C5: variants seen among roughly 807,000 people sequenced by gnomAD.
C5 encodes the protein complement C5, also known as C3 and PZP-like alpha-2-macroglobulin domain-containing protein 4.
In C5, 140 loss-of-function variants were observed where a neutral mutation model predicts 218.8. The observed-to-expected ratio is 0.64, with a 90% CI of 0.56 to 0.74. The LOEUF (loss-of-function observed/expected upper bound fraction) is 0.74. C5 is among the 30% of genes least tolerant of loss of function. The probability of loss-of-function intolerance (pLI) is 0.00; values close to 1 mark genes in which losing one functional copy is unlikely to be tolerated. For synonymous variants in C5, 614 were observed against 682.3 expected (o/e 0.90, Z 1.56); for missense variants, 1,700 against 1,969.6 (o/e 0.86, Z 2.59).
intron 24 of C5, among the ~76,000 whole-genome samples, chr9:120,989,359 A>C (rs2047058461): frequency 6.6e-6 from 1 of 152,208 alleles, no homozygotes; most frequent in Admixed American, 6.5e-5. Context: ...TTTGGAATGC[A>C]GGTGCCTTGC....
intron 11 of C5, 39 bp from the exon 12 acceptor site, chr9:121,020,218 T>G (rs2047352687): frequency 7.5e-7 from 1 of 1,341,830 alleles, no homozygotes; most frequent in South Asian, 1.2e-5. Flanking sequence ...TATACTGTGA[T>G]GTAATGCTTT....
the C5 span, among the ~76,000 whole-genome samples, chr9:121,070,868 T>C: frequency 6.6e-6 from 1 of 152,168 alleles, no homozygotes; most frequent in East Asian, 1.9e-4. Flanking sequence ...TTCAAATAGC[T>C]AGAAGGAGGG....
the C5 span, among the ~76,000 whole-genome samples, chr9:121,055,864 C>T: frequency 2.6e-5 from 4 of 152,312 alleles, no homozygotes; most frequent in Admixed American, 2.6e-4. Flanking sequence ...TCACTCCTCC[C>T]CCAGCTCCAG....
chr9:121,055,423 A>G, the C5 span, among the ~76,000 whole-genome samples: 1 of 152,054 alleles, frequency 6.6e-6, no homozygotes, highest in Admixed American at 6.5e-5. Context: ...CCACAGGAGT[A>G]TGTATGTCAC....
chr9:121,013,095 G>A (rs533186825), intron 17 of C5, among the ~76,000 whole-genome samples: 2 of 152,168 alleles, frequency 1.3e-5, no homozygotes, highest in Middle Eastern at 3.4e-3. Flanking sequence ...CGAGGTGGAC[G>A]GATCACCTGA....
intron 32 of C5, 33 bp downstream of exon 32, chr9:120,970,137 C>G: frequency 6.8e-7 from 1 of 1,461,012 alleles, no homozygotes; most frequent in Middle Eastern, 1.7e-4. Context: ...TTATTTTTAG[C>G]CAAAATTACA....
At chr9:121,008,562 T>A in intron 17 of C5, 64 bp from the exon 18 acceptor site, 1 of 1,136,062 alleles carries the variant, frequency 8.8e-7, no homozygotes, top group Non-Finnish European at 1.3e-6. Context: ...AGGTGAATTT[T>A]AAAATATGGC....
intron 25 of C5, among the ~76,000 whole-genome samples, chr9:120,987,958 A>G (rs2047046545): frequency 6.6e-6 from 1 of 151,780 alleles, no homozygotes; most frequent in Non-Finnish European, 1.5e-5. Flanking sequence ...ACGCCCAGCT[A>G]ATTTTTGTAT....
chr9:121,033,475 AG>A (rs1241123725), intron 5 of C5, among the ~76,000 whole-genome samples: 2 of 152,260 alleles, frequency 1.3e-5, no homozygotes, highest in South Asian at 2.1e-4. Flanking sequence ...AGCCAGGTGA[AG>A]CCCATTCCAA....
chr9:120,957,796 G>T (rs1265947435), intron 38 of C5, among the ~76,000 whole-genome samples: 1 of 152,170 alleles, frequency 6.6e-6, no homozygotes, highest in Admixed American at 6.5e-5. Context: ...GAGCTTTCTT[G>T]GTTCCTTGCT....
At chr9:120,979,861 A>G in intron 28 of C5, 1 of 497,738 alleles carries the variant, frequency 2.0e-6, no homozygotes, top group South Asian at 2.0e-5. Flanking sequence ...CCTGGGTGAC[A>G]GAGCGAGAAC....
At chr9:121,014,894 G>C (rs549746724) in intron 16 of C5, among the ~76,000 whole-genome samples, 1 of 152,166 alleles carries the variant, frequency 6.6e-6, no homozygotes, top group East Asian at 1.9e-4. Context: ...AAAATGGAAG[G>C]ATATGATTTT....
upstream of C5, chr9:121,050,323 T>A: frequency 8.5e-7 from 1 of 1,175,706 alleles, no homozygotes; most frequent in South Asian, 1.2e-5. Flanking sequence ...ACTTGAAGAA[T>A]TCAGATAATC....
At chr9:121,026,383 G>A (rs2047423681) in intron 8 of C5, among the ~76,000 whole-genome samples, 1 of 152,148 alleles carries the variant, frequency 6.6e-6, no homozygotes, top group Non-Finnish European at 1.5e-5. Flanking sequence ...TTCCTTGCAA[G>A]AAACTATGCT....
chr9:121,022,922 G>A (rs2416810), intron 10 of C5, among the ~76,000 whole-genome samples: 34,938 of 151,796 alleles, frequency 0.23, 4,847 homozygotes, highest in African/African-American at 0.39. Flanking sequence ...ATACAGAGAC[G>A]AGAGATTGAA....
chr9:121,040,798 T>C (rs559563771), intron 3 of C5, among the ~76,000 whole-genome samples: 40 of 152,344 alleles, frequency 2.6e-4, no homozygotes, highest in Middle Eastern at 3.4e-3. Context: ...GCTCAAGCTG[T>C]GACTTGAACC....
At chr9:120,961,102 G>A (rs2046824046) in intron 37 of C5, among the ~76,000 whole-genome samples, 1 of 152,150 alleles carries the variant, frequency 6.6e-6, no homozygotes, top group Non-Finnish European at 1.5e-5. Context: ...AATGGAACTG[G>A]ACAATAAACC....
chr9:121,063,425 C>G, the C5 span, among the ~76,000 whole-genome samples: 1 of 151,948 alleles, frequency 6.6e-6, no homozygotes. Flanking sequence ...AGCTCTTACA[C>G]TTCTCTTTAG....
At position 120,960,319 on chromosome 9, in the gene C5, T is replaced by G; in HGVS notation, c.4607A>C (p.Gln1536Pro). The change falls in exon 38 of 41, where the codon CAG (glutamine) becomes CCG (proline). Residue 1536 changes from glutamine (Q) to proline (P), a missense_variant. Physicochemically the swap from Gln to Pro is moderately conservative, Grantham distance 76. Transcript: ENST00000223642. ...KCVEADCGQM[Q>P]EELDLTISAE... Reference sequence around the variant, plus strand: ...AGAGATTGTCAGATCCAATTCTTCCTGCATTTGCCCACAATCAGCTGGATT... The same window carrying G: ...AGAGATTGTCAGATCCAATTCTTCCGGCATTTGCCCACAATCAGCTGGATT... The G allele has an allele frequency of 4.3e-6, 7 of 1,612,892 alleles. No individual in the cohort carries two copies. The highest frequency in any genetic ancestry group is 5.9e-6 in the Non-Finnish European group (7 of 1,179,230).
Sources: gnomAD v4.1 joint callset for allele counts (sites outside exome capture counted in the v4.1 genomes callset) on GRCh38, gnomAD v4.1.1 for gene constraint, MANE v1.5 for transcripts, NCBI Gene and HGNC (gene_info 2026-07-23, HGNC 2026-07-21) for gene names.